NTN1: variants seen among roughly 807,000 people sequenced by gnomAD.
The protein encoded by NTN1 is netrin-1.
NTN1 carries 11 observed loss-of-function variants against 54.2 expected under a neutral mutation model. The observed-to-expected ratio is 0.20, with a 90% CI of 0.13 to 0.34. The LOEUF (loss-of-function observed/expected upper bound fraction) is 0.34, where lower values mean the gene tolerates loss of function less well. Ranked by LOEUF, NTN1 falls within the 10% of genes least tolerant of loss-of-function variation. The pLI is 1.00. For missense variants in NTN1, 740 were observed against 893.1 expected (o/e 0.83, Z 2.18); for synonymous variants, 371 against 382.0 (o/e 0.97, Z 0.33).
intron 2 of NTN1, among the ~76,000 whole-genome samples, chr17:9,094,049 A>G (rs76172961): frequency 0.015 from 2,303 of 152,316 alleles, 60 homozygotes; most frequent in African/African-American, 0.051. Flanking sequence ...TCTAGTATAC[A>G]TACTATTTAC....
intron 6 of NTN1, among the ~76,000 whole-genome samples, chr17:9,234,435 G>A (rs1905913024): frequency 6.6e-6 from 1 of 152,200 alleles, no homozygotes; most frequent in Non-Finnish European, 1.5e-5. Flanking sequence ...GACCTGGACA[G>A]CAGAGGCCAC....
In NTN1 at chr17:9,178,692, C is replaced by T. The variant is rs1035767751; in HGVS notation, c.1208-1115C>T. Among the ~76,000 whole-genome samples the T allele has an allele frequency of 3.3e-5, 5 of 152,206 alleles. No individual in the cohort carries two copies. The East Asian group carries it at 5.8e-4, about 18-fold the overall frequency. ...GGGGACACCTGGAATTGCTGCCGGA[C>T]GCCTTACTGCAGACGACTCCCCACT... On this transcript the variant is annotated intron_variant, in intron 3 of 6. Transcript: ENST00000173229.
intron 2 of NTN1, among the ~76,000 whole-genome samples, chr17:9,128,780 G>A (rs1214631564): frequency 3.3e-5 from 5 of 152,230 alleles, no homozygotes; most frequent in Admixed American, 2.0e-4. Flanking sequence ...CCTGGCCAGC[G>A]TTCACCCAAC....
At chr17:9,071,186 A>G (rs2092030861) in intron 2 of NTN1, among the ~76,000 whole-genome samples, 1 of 152,190 alleles carries the variant, frequency 6.6e-6, no homozygotes, top group Admixed American at 6.5e-5. Flanking sequence ...GTCAGCGGTC[A>G]TGAGGGAGCC....
At chr17:9,159,597 T>C (rs4791808) in intron 2 of NTN1, among the ~76,000 whole-genome samples, 86,415 of 151,820 alleles carry the variant, frequency 0.57, 24,791 homozygotes, top group African/African-American at 0.62. Context: ...GTCAGGAGTT[T>C]GAGACCAGTC....
chr17:9,207,600 T>C (rs922819148), intron 5 of NTN1, among the ~76,000 whole-genome samples: 11 of 152,218 alleles, frequency 7.2e-5, no homozygotes, highest in African/African-American at 2.4e-4. Flanking sequence ...CTTGGTCGCC[T>C]GTCTGCCACC....
In NTN1 at chr17:9,152,830, A is replaced by G. The variant is rs2092331407; in HGVS notation, c.1019-9983A>G. On this transcript the variant is annotated intron_variant, in intron 2 of 6. Coordinates refer to ENST00000173229, the MANE Select transcript of NTN1 (RefSeq NM_004822.3). ...TGGGAGAATGGGTTCAGAGGGGCCA[A>G]GTGGGCTTTCCAGGTCACACACCTG... Among the ~76,000 whole-genome samples, 3 of 152,210 alleles carry G rather than the reference A, an allele frequency of 2.0e-5. No homozygotes were observed. In the South Asian group the frequency reaches 6.2e-4, roughly 31 times the overall value.
intron 5 of NTN1, among the ~76,000 whole-genome samples, chr17:9,216,548 A>G (rs1426214787): frequency 6.6e-6 from 1 of 152,082 alleles, no homozygotes; most frequent in African/African-American, 2.4e-5. Flanking sequence ...AAGAAGAAAA[A>G]AATTGCAGAT....
rs183918502 is a variant in NTN1, at chr17:9,094,739, C to T, written c.1019-68074C>T. The stretch of plus-strand genomic sequence containing the variant: ...GGTGCGGTGGCTCACACCTGTAATC[C>T]CAGCACTTTGGAAGGCTGAGGCAGG... On this transcript the variant is annotated intron_variant, in intron 2 of 6. Transcript: ENST00000173229. Among the ~76,000 whole-genome samples the T allele has an allele frequency of 2.8e-3, 429 of 152,048 alleles. 2 individuals are homozygous for T. Among genetic ancestry groups the T allele is most frequent in the African/African-American group, 9.9e-3 (409 of 41,486 alleles).
At chr17:9,187,371 C>T (rs75248097) in intron 5 of NTN1, among the ~76,000 whole-genome samples, 1,890 of 152,090 alleles carry the variant, frequency 0.012, 41 homozygotes, top group African/African-American at 0.043. Flanking sequence ...CTGAACCAAG[C>T]AGAGAGGTAA....
chr17:9,012,236 G>T, the NTN1 span, among the ~76,000 whole-genome samples: 1 of 152,084 alleles, frequency 6.6e-6, no homozygotes, highest in Non-Finnish European at 1.5e-5. Flanking sequence ...TCTGGGCCAG[G>T]CGCAGCAGCT....
intron 4 of NTN1, among the ~76,000 whole-genome samples, chr17:9,182,056 C>A (rs1291174368): frequency 6.6e-6 from 1 of 152,234 alleles, no homozygotes; most frequent in Non-Finnish European, 1.5e-5. Context: ...TAGCTCACTG[C>A]AACCTCAAAC....
chr17:9,061,063 T>A (rs1003509883), intron 2 of NTN1, among the ~76,000 whole-genome samples: 1 of 151,766 alleles, frequency 6.6e-6, no homozygotes. Flanking sequence ...TCAACCACAG[T>A]GACCTTGGTT....
intron 2 of NTN1, among the ~76,000 whole-genome samples, chr17:9,158,665 G>T (rs1333747813): frequency 3.3e-5 from 5 of 152,212 alleles, no homozygotes; most frequent in Non-Finnish European, 7.3e-5. Context: ...TCCTGGGCTG[G>T]TTGGTCATTT....
chr17:9,163,139 C>G (rs762668002), intron 3 of NTN1, 138 bp downstream of exon 3: 84 of 723,290 alleles, frequency 1.2e-4, no homozygotes, highest in Admixed American at 1.5e-4. Flanking sequence ...CTCTCTTTCT[C>G]TCTCTGTGAC....
At chr17:9,207,722 A>C (rs957278707) in intron 5 of NTN1, among the ~76,000 whole-genome samples, 1 of 152,230 alleles carries the variant, frequency 6.6e-6, no homozygotes, top group Non-Finnish European at 1.5e-5. Flanking sequence ...GGGGTCCAGG[A>C]AGAGATGTTC....
chr17:9,062,869 G>A (rs1370676739), intron 2 of NTN1, among the ~76,000 whole-genome samples: 2 of 150,464 alleles, frequency 1.3e-5, no homozygotes, highest in Non-Finnish European at 2.9e-5. Context: ...TGCCAGCGTC[G>A]CCCTTAAGTA....
intron 2 of NTN1, among the ~76,000 whole-genome samples, chr17:9,094,001 G>GA (rs1172992224): frequency 1.3e-5 from 2 of 151,962 alleles, no homozygotes; most frequent in Non-Finnish European, 2.9e-5. Flanking sequence ...CAAGTTAAAA[G>GA]AAAAAAATCA....
In NTN1 at chr17:9,240,945, G is replaced by C. The variant is rs1243264567; in HGVS notation, c.*977G>C. 6.6e-6 allele frequency: 1 copy of C among 152,324 alleles called. No homozygotes were observed. The highest frequency in any genetic ancestry group is 2.4e-5 in the African/African-American group (1 of 41,454). 9.4% of individuals were successfully genotyped at this position (152,324 alleles called of 1,614,324 possible). A position where few individuals can be genotyped will look rare whatever the true frequency, so the allele number is the denominator to read the frequency against. ...ATGACGTTTTCCAGGGGGAGGGGGA[G>C]GGGCACTGGCTGGGTTTACGGCAGT... On this transcript the variant is annotated 3_prime_UTR_variant, in exon 7 of 7. Coordinates refer to ENST00000173229, the MANE Select transcript of NTN1 (RefSeq NM_004822.3).
Sources: allele counts gnomAD v4.1 joint callset (sites outside exome capture counted in the v4.1 genomes callset), GRCh38; gene constraint gnomAD v4.1.1; transcripts MANE v1.5; gene names NCBI Gene and HGNC (gene_info 2026-07-23, HGNC 2026-07-21).